NFATC3: variants seen among roughly 807,000 people sequenced by gnomAD.
NFATC3 encodes the protein nuclear factor of activated T cells 3.
Under a neutral mutation model 98.6 loss-of-function variants are expected in NFATC3, and 46 were observed. The ratio of observed to expected loss-of-function variants is 0.47; its 90% confidence interval spans 0.37 to 0.60. The LOEUF (loss-of-function observed/expected upper bound fraction) is 0.60. NFATC3 is among the 20% of genes least tolerant of loss of function. NFATC3 has a pLI of 0.00. For missense variants in NFATC3, 1,256 were observed against 1,295.5 expected, an observed-to-expected ratio of 0.97 and a Z score of 0.47; for synonymous variants, 512 against 472.2, an observed-to-expected ratio of 1.08 and a Z score of -1.09.
chr16:68,226,268 T>C, intron 9 of NFATC3, 82 bp from the exon 10 acceptor site: 1 of 1,473,750 alleles, frequency 6.8e-7, no homozygotes, highest in Non-Finnish European at 9.0e-7. Flanking sequence ...AAGGGAAATG[T>C]CTGAGGTAGA....
rs149063281 is a variant in NFATC3, at chr16:68,220,190, C to G, written c.3107-6160C>G. On this transcript the variant is annotated intron_variant, in intron 9 of 9. Transcript: ENST00000346183. Reference sequence around the variant, plus strand: ...TAGCACCCTTATTGAGGACTGTTCACTCTTGTTCTAGGCTTTTAATTCACT... The same window carrying G: ...TAGCACCCTTATTGAGGACTGTTCAGTCTTGTTCTAGGCTTTTAATTCACT... Among the ~76,000 whole-genome samples the G allele has an allele frequency of 1.1e-3, 164 of 152,228 alleles. 1 individual carries two copies. Among genetic ancestry groups the G allele is most frequent in the African/African-American group, 3.6e-3 (151 of 41,538 alleles).
At chr16:68,114,601 A>G (rs1475738550) in intron 1 of NFATC3, among the ~76,000 whole-genome samples, 15 of 133,924 alleles carry the variant, frequency 1.1e-4, no homozygotes, top group Non-Finnish European at 1.6e-4. Context: ...TTTGAGACGG[A>G]GTCTTGCTTT....
intron 9 of NFATC3, chr16:68,221,622 TG>T: frequency 9.6e-7 from 1 of 1,042,804 alleles, no homozygotes; most frequent in South Asian, 3.9e-5. Flanking sequence ...ATCTCCTGAC[TG>T]CTGGTGAATT....
intron 1 of NFATC3, among the ~76,000 whole-genome samples, chr16:68,087,469 A>G (rs2034447912): frequency 6.6e-6 from 1 of 152,250 alleles, no homozygotes; most frequent in African/African-American, 2.4e-5. Flanking sequence ...TGAAATTTCA[A>G]AAGGTAAACA....
intron 3 of NFATC3, among the ~76,000 whole-genome samples, chr16:68,153,732 G>C (rs759847794): frequency 3.3e-5 from 5 of 152,132 alleles, no homozygotes; most frequent in Admixed American, 1.3e-4. Flanking sequence ...TCCTGCCTCA[G>C]CCTCCCAAGT....
At chr16:68,170,966 G>T (rs1001577488) in intron 5 of NFATC3, among the ~76,000 whole-genome samples, 3 of 151,950 alleles carry the variant, frequency 2.0e-5, no homozygotes, top group Admixed American at 6.6e-5. Flanking sequence ...TTTTCATCAC[G>T]CAAGTAGTTT....
rs368332745 is a variant in NFATC3 at position 68,184,790 on chromosome 16, C to T, written c.2098+1424C>T. ...CTGCACTCCAGCCTGGGCAACAGAG[C>T]GAGACTCTGTCTCAAAAAACAAACA... On this transcript the variant is annotated intron_variant, in intron 8 of 9. Transcript: ENST00000346183. 7.9e-5 allele frequency among the ~76,000 whole-genome samples: 12 copies of T among 151,380 alleles called. No homozygotes were observed. The East Asian group carries it at 2.2e-3, about 27-fold the overall frequency.
intron 9 of NFATC3, among the ~76,000 whole-genome samples, chr16:68,212,093 T>TGGA (rs2041429692): frequency 6.6e-6 from 1 of 152,268 alleles, no homozygotes; most frequent in African/African-American, 2.4e-5. Flanking sequence ...AAGTCTGTTT[T>TGGA]GGAGGATTCA....
At chr16:68,114,858 C>T (rs1462138401) in intron 1 of NFATC3, among the ~76,000 whole-genome samples, 1 of 152,140 alleles carries the variant, frequency 6.6e-6, no homozygotes, top group Non-Finnish European at 1.5e-5. Flanking sequence ...CAGGCGTCAG[C>T]CACCGCACCT....
chr16:68,125,282 G>A (rs2036777548), intron 2 of NFATC3, among the ~76,000 whole-genome samples: 2 of 152,120 alleles, frequency 1.3e-5, no homozygotes, highest in Non-Finnish European at 2.9e-5. Context: ...CTGAGGACAT[G>A]GAAGGAAACA....
At chr16:68,099,485 C>G (rs977389892) in intron 1 of NFATC3, among the ~76,000 whole-genome samples, 1 of 151,432 alleles carries the variant, frequency 6.6e-6, no homozygotes, top group Non-Finnish European at 1.5e-5. Context: ...CCTGTAATCT[C>G]AGCTACTGGG....
At chr16:68,217,021 G>C (rs1238882265) in intron 9 of NFATC3, among the ~76,000 whole-genome samples, 7 of 152,092 alleles carry the variant, frequency 4.6e-5, no homozygotes, top group Non-Finnish European at 7.3e-5. Context: ...TTCAAATCGT[G>C]CATGTATTTT....
chr16:68,186,217 T>TA (rs898063568), intron 8 of NFATC3, among the ~76,000 whole-genome samples: 69 of 142,996 alleles, frequency 4.8e-4, no homozygotes, highest in East Asian at 1.0e-3. Context: ...TTACTGTAAT[T>TA]AAAAAAAAAA....
chr16:68,109,129 T>C (rs2035814550), intron 1 of NFATC3, among the ~76,000 whole-genome samples: 1 of 152,146 alleles, frequency 6.6e-6, no homozygotes, highest in Non-Finnish European at 1.5e-5. Flanking sequence ...AGTGGTGAGA[T>C]AGGGGCATCC....
chr16:68,207,170 C>T (rs1208913069), intron 9 of NFATC3, among the ~76,000 whole-genome samples: 1 of 151,828 alleles, frequency 6.6e-6, no homozygotes, highest in Non-Finnish European at 1.5e-5. Flanking sequence ...ATTAGTTGGG[C>T]ATGGTGGTGG....
Position 68,085,636 on chromosome 16 carries a change from C to T in NFATC3, c.-46C>T, listed in dbSNP as rs1352742375. Reference sequence around the variant, plus strand: ...AGCTGCTGCCGCCGCTTGCCGCTGCCGCCGCCGCCGCCTGAGGAGGAGCTG... The same window carrying T: ...AGCTGCTGCCGCCGCTTGCCGCTGCTGCCGCCGCCGCCTGAGGAGGAGCTG... On this transcript the variant is annotated 5_prime_UTR_variant, in exon 1 of 10. Coordinates refer to ENST00000346183, the MANE Select transcript of NFATC3 (RefSeq NM_173165.3). 1.0e-5 allele frequency: 14 copies of T among 1,356,168 alleles called. No homozygotes were observed. Among genetic ancestry groups the T allele is most frequent in the Middle Eastern group, 2.4e-4 (1 of 4,120 alleles). The allele number at this position is 1,356,168 out of a possible 1,614,324, so 84.0% of individuals were successfully genotyped here.
chr16:68,157,257 G>A (rs758348147), intron 3 of NFATC3, among the ~76,000 whole-genome samples: 1 of 151,404 alleles, frequency 6.6e-6, no homozygotes, highest in Non-Finnish European at 1.5e-5. Flanking sequence ...TCTCTTTCCC[G>A]AAGATTGTTG....
In NFATC3 at chr16:68,138,540, C is replaced by A. The variant is rs144826295; in HGVS notation, c.1401+11930C>A. On this transcript the variant is annotated intron_variant, in intron 3 of 9. Coordinates refer to ENST00000346183, the MANE Select transcript of NFATC3 (RefSeq NM_173165.3). ...CCAAGATACGTTCATCTTTTGATGT[C>A]GTCTTTGATGCACAGCTTCTACTGT... The A allele has an allele frequency of 8.5e-4, 1,095 of 1,287,528 alleles. 12 individuals are homozygous for A. In the African/African-American group the frequency reaches 0.015, roughly 17 times the overall value. 79.8% of individuals were successfully genotyped at this position (1,287,528 alleles called of 1,614,324 possible).
chr16:68,150,221 CAAAA>C (rs1411675115), intron 3 of NFATC3, among the ~76,000 whole-genome samples: 1 of 151,810 alleles, frequency 6.6e-6, no homozygotes, highest in Admixed American at 6.6e-5. Context: ...GCCCCACTCT[CAAAA>C]AAAGCCCCAC....
Sources: gnomAD v4.1 joint callset for allele counts (sites outside exome capture counted in the v4.1 genomes callset) on GRCh38, gnomAD v4.1.1 for gene constraint, MANE v1.5 for transcripts, NCBI Gene and HGNC (gene_info 2026-07-23, HGNC 2026-07-21) for gene names.